Variants in SBK1 observed in about 807,000 individuals in gnomAD.
SBK1 encodes the protein serine/threonine-protein kinase SBK1.
SBK1 carries 11 observed loss-of-function variants against 24.4 expected under a neutral mutation model. The ratio of observed to expected loss-of-function variants is 0.45; its 90% CI spans 0.28 to 0.75. SBK1 has a LOEUF of 0.75. Ranked by LOEUF, SBK1 falls within the 30% of genes least tolerant of loss-of-function variation. SBK1 has a pLI of 0.12. For synonymous variants in SBK1, 308 were observed against 284.4 expected (o/e 1.08, Z -0.83); for missense variants, 467 against 620.5 (o/e 0.75, Z 2.63).
Position 28,321,170 on chromosome 16 carries a change from A to T in SBK1, c.*249A>T. 1 of 294,304 alleles carries T rather than the reference A, an allele frequency of 3.4e-6. No individual in the cohort carries two copies. 18.2% of individuals were successfully genotyped at this position (294,304 alleles called of 1,614,324 possible). On this transcript the variant is annotated 3_prime_UTR_variant, in exon 4 of 4. Coordinates refer to ENST00000341901, the MANE Select transcript of SBK1 (RefSeq NM_001024401.3). ...AAGCCGCACAGACCCGAGAATTCGG[A>T]GGCCACCACACAACACACACACACA...
chr16:28,288,727 C>T (rs778387366), upstream of SBK1, among the ~76,000 whole-genome samples: 4 of 152,172 alleles, frequency 2.6e-5, no homozygotes, highest in Non-Finnish European at 5.9e-5. Context: ...TAAAAGCAGC[C>T]CTGCCCTCTC....
Position 28,320,104 on chromosome 16 carries a change from G to A in SBK1, c.458G>A (p.Arg153His). The A allele has an allele frequency of 1.3e-6, 2 of 1,551,698 alleles. No individual in the cohort carries two copies. Among genetic ancestry groups the A allele is most frequent in the African/African-American group, 1.4e-5 (1 of 73,224 alleles). ...GGGCTCCCTGAGGACACGGTGAAGCGCTGTGTGCAGCAGCTGGGCCTGGCG... is the reference window on the plus strand; with the variant it reads ...GGGCTCCCTGAGGACACGGTGAAGCACTGTGTGCAGCAGCTGGGCCTGGCG... ...QVGLPEDTVK[R>H]CVQQLGLALD... Residue 153 changes from arginine to histidine, a missense_variant, in exon 4 of 4, where the codon CGC becomes CAC. This residue lies in a region of SBK1 where 92 missense variants were observed against 193.8 expected (regional missense o/e 0.47). Transcript: ENST00000341901. This position sits in a 1 kb window ranked among gnomAD's most constrained non-coding sequence, Gnocchi z 8.5.
chr16:28,270,792 T>C (rs1466025433), intron 1 of SBK1, among the ~76,000 whole-genome samples: 2 of 151,998 alleles, frequency 1.3e-5, no homozygotes, highest in Non-Finnish European at 2.9e-5. Flanking sequence ...TATTTTCAGA[T>C]TGGCAAGAGC....
At chr16:28,276,750 C>T (rs979639863) in intron 1 of SBK1, among the ~76,000 whole-genome samples, 2 of 151,860 alleles carry the variant, frequency 1.3e-5, no homozygotes, top group Admixed American at 6.6e-5. Context: ...CTGCAACCTC[C>T]GCCTCCCGGG....
chr16:28,261,374 C>T (rs182401614), intron 1 of SBK1, among the ~76,000 whole-genome samples: 3 of 151,328 alleles, frequency 2.0e-5, no homozygotes, highest in East Asian at 2.0e-4. Flanking sequence ...GCGGGTAGAT[C>T]GCTTGAGCTC....
At chr16:28,314,723 T>C (rs2044780736) in intron 1 of SBK1, among the ~76,000 whole-genome samples, 2 of 152,162 alleles carry the variant, frequency 1.3e-5, no homozygotes, top group South Asian at 4.1e-4. Flanking sequence ...CTCACGCCTG[T>C]AATCCCAGCA....
chr16:28,262,925 G>A (rs1254601987), intron 1 of SBK1, among the ~76,000 whole-genome samples: 1 of 152,052 alleles, frequency 6.6e-6, no homozygotes, highest in Admixed American at 6.6e-5. Context: ...GATCTTTCAG[G>A]GATCCAGGCT....
chr16:28,291,323 C>T (rs2044597137), upstream of SBK1: 1 of 149,710 alleles, frequency 6.7e-6, no homozygotes, highest in Admixed American at 6.7e-5. Context: ...CACATGGACA[C>T]AGGAAGGGGA....
chr16:28,266,820 A>G lies in SBK1; in HGVS notation c.257+7318A>G, dbSNP rs186844891. Among the ~76,000 whole-genome samples the G allele has an allele frequency of 2.7e-5, 4 of 149,972 alleles. No homozygotes were observed. In the East Asian group the frequency reaches 7.8e-4, roughly 29 times the overall value. On this transcript the variant is annotated intron_variant, in intron 1 of 3. Coordinates refer to the SBK1 transcript ENST00000671413. ...GCAATGGCCCAATCAGGATTGCCGC[A>G]GCCTTGACCTTCTGGGCTCAAGTGG...
At chr16:28,283,609 G>A (rs1015993305) in intron 1 of SBK1, among the ~76,000 whole-genome samples, 1 of 152,150 alleles carries the variant, frequency 6.6e-6, no homozygotes. Flanking sequence ...TGGGGGCTGG[G>A]TCACAAGTCC....
At chr16:28,276,508 G>C (rs1185332845) in intron 1 of SBK1, among the ~76,000 whole-genome samples, 1 of 151,284 alleles carries the variant, frequency 6.6e-6, no homozygotes, top group African/African-American at 2.5e-5. Context: ...TGCCTGGCTA[G>C]CGCTGTGCCA....
Position 28,270,010 on chromosome 16 carries a change from G to A in SBK1, c.257+10508G>A, listed in dbSNP as rs575562822. 3.5e-4 allele frequency among the ~76,000 whole-genome samples: 54 copies of A among 152,206 alleles called. 1 individual carries two copies. Among genetic ancestry groups the A allele is most frequent in the Middle Eastern group, 3.4e-3 (1 of 294 alleles). ...GAGTATCAAGAATCATAATGGCATC[G>A]GACTTCTCAACAGCAATCCTGGAAA... On this transcript the variant is annotated intron_variant, in intron 1 of 3. Transcript: ENST00000671413.
At chr16:28,285,474 G>C (rs1183055175) in intron 1 of SBK1, 1 of 152,216 alleles carries the variant, frequency 6.6e-6, no homozygotes, top group Non-Finnish European at 1.5e-5. Flanking sequence ...AGAATCACTT[G>C]AACCCAGGAG....
At chr16:28,282,862 G>C (rs1029780212) in intron 1 of SBK1, among the ~76,000 whole-genome samples, 1 of 152,156 alleles carries the variant, frequency 6.6e-6, no homozygotes, top group Admixed American at 6.6e-5. Flanking sequence ...AGGAAATATA[G>C]TGACTGTATG....
At chr16:28,296,283 C>CG (rs2044640011) in intron 1 of SBK1, among the ~76,000 whole-genome samples, 1 of 151,870 alleles carries the variant, frequency 6.6e-6, no homozygotes, top group Non-Finnish European at 1.5e-5. Flanking sequence ...TTAGTAGAGA[C>CG]GGGGTTTCAC....
chr16:28,308,496 T>C (rs895593723), intron 1 of SBK1, among the ~76,000 whole-genome samples: 1 of 121,178 alleles, frequency 8.3e-6, no homozygotes, highest in East Asian at 2.8e-4. Context: ...AGACAGGGTC[T>C]CACTCTGTTG....
intron 1 of SBK1, among the ~76,000 whole-genome samples, chr16:28,263,104 C>T (rs1480393183): frequency 6.6e-6 from 1 of 152,172 alleles, no homozygotes; most frequent in African/African-American, 2.4e-5. Flanking sequence ...CAGCTCATTG[C>T]AAGAAAAGCT....
chr16:28,298,660 G>A (rs1356193289), intron 1 of SBK1, among the ~76,000 whole-genome samples: 1 of 152,238 alleles, frequency 6.6e-6, no homozygotes, highest in African/African-American at 2.4e-5. Flanking sequence ...GGCCTTCCCT[G>A]CCGGGGTATG....
At chr16:28,267,742 A>AT (rs1359217168) in intron 1 of SBK1, among the ~76,000 whole-genome samples, 1 of 152,236 alleles carries the variant, frequency 6.6e-6, no homozygotes, top group Non-Finnish European at 1.5e-5. Context: ...TATAATCTAT[A>AT]CTGCCAAATC....
Sources: gnomAD v4.1 joint callset for allele counts (sites outside exome capture counted in the v4.1 genomes callset) on GRCh38, gnomAD v4.1.1 for gene constraint, gnomAD v4.1.1 regional missense constraint, Gnocchi (gnomAD v3.1) non-coding constraint, MANE v1.5 for transcripts, NCBI Gene and HGNC (gene_info 2026-07-23, HGNC 2026-07-21) for gene names.